The following SPTBN5 variants were observed in gnomAD, a reference collection of about 807,000 sequenced individuals.
SPTBN5 encodes the protein spectrin beta, non-erythrocytic 5, also known as spectrin beta chain, non-erythrocytic 5.
A neutral mutation model predicts 477.6 loss-of-function variants in SPTBN5; 513 were observed. The observed-to-expected ratio is 1.07, with a 90% CI of 1.00 to 1.16. The LOEUF is 1.16. SPTBN5 is among the 50% of genes most tolerant of loss of function. SPTBN5 has a pLI of 0.00. For synonymous variants in SPTBN5, 2,169 were observed against 2,011.7 expected (o/e 1.08, Z -2.09); for missense variants, 5,062 against 4,731.8 (o/e 1.07, Z -2.05).
rs1555467596 is a variant in SPTBN5 at position 41,876,663 on chromosome 15, G to GGGC, written c.3852-17_3852-16insGCC. 3.5e-6 allele frequency: 5 copies of GGGC among 1,431,692 alleles called. 1 individual carries two copies. Among genetic ancestry groups the GGGC allele is most frequent in the Middle Eastern group, 1.8e-4 (1 of 5,526 alleles). 88.7% of individuals were successfully genotyped at this position (1,431,692 alleles called of 1,614,324 possible). On this transcript the variant is annotated splice_polypyrimidine_tract_variant and intron_variant, in intron 19 of 67. Coordinates refer to ENST00000320955, the MANE Select transcript of SPTBN5 (RefSeq NM_016642.4). ...CTCTCTGACCCTGGAGGGCGGGGGG[G>GGGC]GGTTGGAGGAGGGCATGGGAGAGGA...
chr15:41,860,092 G>C (rs1018241892), intron 47 of SPTBN5, among the ~76,000 whole-genome samples: 5 of 152,228 alleles, frequency 3.3e-5, no homozygotes, highest in African/African-American at 1.2e-4. Flanking sequence ...ACTTCAGTTA[G>C]ATGAACTAAG....
At chr15:41,873,685 C>T (rs2066617885) in intron 25 of SPTBN5, 77 bp from the exon 26 acceptor site, 6 of 1,450,254 alleles carry the variant, frequency 4.1e-6, no homozygotes, top group South Asian at 1.2e-5. Flanking sequence ...TCTGCCCCTG[C>T]TCTCCAGCAT....
At chr15:41,884,922 A>AG (rs2067098041) in intron 7 of SPTBN5, among the ~76,000 whole-genome samples, 1 of 152,214 alleles carries the variant, frequency 6.6e-6, no homozygotes, top group East Asian at 1.9e-4. Flanking sequence ...CTGCATGGCC[A>AG]GCTCGTCACT....
intron 57 of SPTBN5, 34 bp from the exon 58 acceptor site, chr15:41,853,821 C>G (rs1040447403): frequency 6.6e-7 from 1 of 1,516,014 alleles, no homozygotes; most frequent in African/African-American, 1.4e-5. Flanking sequence ...GCCTCAGTCC[C>G]CCCACTGAGC....
At chr15:41,864,089 G>A in intron 39 of SPTBN5, 65 bp from the exon 40 acceptor site, 7 of 1,406,952 alleles carry the variant, frequency 5.0e-6, no homozygotes, top group Non-Finnish European at 6.9e-6. Flanking sequence ...TCCCACCTCA[G>A]CAGGCACTGA....
Position 41,868,111 on chromosome 15 carries a change from G to A in SPTBN5, c.6165C>T (p.Leu2055=), listed in dbSNP as rs1421805507. ...LQAEQQEQLF[L]RECGRLEEIL... is the part of the protein sequence containing the mutation. Reference sequence around the variant, plus strand: ...TCTCCTCCAGGCGGCCGCACTCTCTGAGGAAGAGCTGCTCCTGCTGCTCGG... The same window carrying A: ...TCTCCTCCAGGCGGCCGCACTCTCTAAGGAAGAGCTGCTCCTGCTGCTCGG... Residue 2055 remains leucine (L), a synonymous_variant, in exon 34 of 68, where the codon CTC becomes CTT. Coordinates refer to ENST00000320955, the MANE Select transcript of SPTBN5 (RefSeq NM_016642.4). 3 of 1,602,756 alleles carry A rather than the reference G, an allele frequency of 1.9e-6. No individual in the cohort carries two copies. In the African/African-American group the frequency reaches 4.0e-5, roughly 21 times the overall value.
chr15:41,866,265 G>C, intron 37 of SPTBN5, 36 bp from the exon 38 acceptor site: 2 of 1,577,944 alleles, frequency 1.3e-6, no homozygotes, highest in Non-Finnish European at 1.7e-6. Flanking sequence ...CATCTTGCCT[G>C]CTGCACTTCC....
At chr15:41,879,938 C>A in intron 14 of SPTBN5, 74 bp from the exon 15 acceptor site, 4 of 1,579,476 alleles carry the variant, frequency 2.5e-6, no homozygotes, top group Non-Finnish European at 2.6e-6. Context: ...CTATGACGGA[C>A]CTGAGTGGTG....
chr15:41,867,423 C>G (rs1286566549), intron 35 of SPTBN5, 115 bp downstream of exon 35: 2 of 1,043,242 alleles, frequency 1.9e-6, no homozygotes, highest in Non-Finnish European at 2.9e-6. Context: ...GGACCCCAGC[C>G]TTGCAGGCTC....
In SPTBN5 at chr15:41,872,386, C is replaced by T. The variant is rs2066575602; in HGVS notation, c.5081G>A (p.Gly1694Asp). The T allele has an allele frequency of 6.2e-7, 1 of 1,608,344 alleles. No homozygotes were observed. Among genetic ancestry groups the T allele is most frequent in the Non-Finnish European group, 8.5e-7 (1 of 1,178,062 alleles). ...ELDQTAQTLT[G>D]PEVPEQQRVV... ...ACGCTGCTGCTCAGGGACTTCGGGGCCAGTGAGGGTTTGGGCCGTCTGGTC... is the reference window on the plus strand; with the variant it reads ...ACGCTGCTGCTCAGGGACTTCGGGGTCAGTGAGGGTTTGGGCCGTCTGGTC... Residue 1694 changes from glycine to aspartate, a missense_variant, in exon 27 of 68, where the codon GGC (glycine) becomes GAC (aspartate). Physicochemically the swap from Gly to Asp is moderately conservative, Grantham distance 94. Transcript: ENST00000320955.
At chr15:41,849,833 G>A (rs1283004569) in intron 67 of SPTBN5, 36 bp downstream of exon 67, 2 of 1,521,864 alleles carry the variant, frequency 1.3e-6, no homozygotes, top group East Asian at 2.4e-5. Flanking sequence ...GAAGCCCAGG[G>A]CTCCCCGCCC....
At position 41,851,307 on chromosome 15, in the gene SPTBN5, G is replaced by A; in HGVS notation, c.10719C>T (p.Phe3573=). The change falls in exon 64 of 68, where the codon TTC becomes TTT. Residue 3573 remains phenylalanine, a synonymous_variant. Coordinates refer to ENST00000320955, the MANE Select transcript of SPTBN5 (RefSeq NM_016642.4). ...GNLQGSSLSL[F]LDERMAAEKV... ...CCTCCGCTGCCATCCTCTCATCCAG[G>A]AACAGGCTCAGAGAGCTGCCCTGCA... The A allele has an allele frequency of 6.4e-7, 1 of 1,551,156 alleles. No homozygotes were observed.
rs369721582 is a variant in SPTBN5 at position 41,868,573 on chromosome 15, C to G, written c.5882G>C (p.Arg1961Pro). ...AVRDYASWAA[R>P]VRQDLQVEES... ...CTCCACCTGCAGGTCCTGGCGCACG[C>G]GGGCTGCCCAGGAGGCATAGTCACG... is the stretch of plus-strand genomic sequence containing the variant. Residue 1961 changes from arginine (R) to proline (P), a missense_variant, in exon 33 of 68, where the codon CGC becomes CCC. Arg to Pro is a moderately radical substitution (Grantham distance 103). Transcript: ENST00000320955. 6.2e-7 allele frequency: 1 copy of G among 1,601,138 alleles called. No homozygotes were observed. Among genetic ancestry groups the G allele is most frequent in the South Asian group, 1.1e-5 (1 of 91,086 alleles).
Position 41,866,853 on chromosome 15 carries a change from C to T in SPTBN5, c.6480+106G>A, listed in dbSNP as rs2066335527. Reference sequence around the variant, plus strand: ...CCAGCACAGCCTCTGGGAAAGCCATCCACCCCCGAACCTGTTTCCGCCTCA... The same window carrying T: ...CCAGCACAGCCTCTGGGAAAGCCATTCACCCCCGAACCTGTTTCCGCCTCA... On this transcript the variant is annotated intron_variant, in intron 36 of 67. Coordinates refer to ENST00000320955, the MANE Select transcript of SPTBN5 (RefSeq NM_016642.4). 5 of 1,379,716 alleles carry T rather than the reference C, an allele frequency of 3.6e-6. No individual in the cohort carries two copies. In the African/African-American group the frequency reaches 7.3e-5, roughly 20 times the overall value. The allele number at this position is 1,379,716 out of a possible 1,614,324, so 85.5% of individuals were successfully genotyped here.
intron 66 of SPTBN5, 103 bp downstream of exon 66, chr15:41,850,751 G>T: frequency 1.0e-6 from 1 of 990,828 alleles, no homozygotes; most frequent in South Asian, 1.7e-5. Flanking sequence ...GGTTAGAGAT[G>T]CTAACTGTGA....
At chr15:41,887,563 G>T in intron 5 of SPTBN5, 122 bp from the exon 6 acceptor site, 1 of 806,312 alleles carries the variant, frequency 1.2e-6, no homozygotes, top group Non-Finnish European at 2.0e-6. Flanking sequence ...TCGTTTTCCC[G>T]ACAGTTATCT....
rs764344735 is a variant in SPTBN5 at position 41,852,729 on chromosome 15, CTG to C, written c.10352_10353del (p.Ser3451CysfsTer72). 5.6e-6 allele frequency: 9 copies of C among 1,610,336 alleles called. No homozygotes were observed. In the African/African-American group the frequency reaches 9.4e-5, roughly 17 times the overall value. On this transcript the variant is annotated frameshift_variant, in exon 61 of 68. Transcript: ENST00000320955. LOFTEE classifies it high-confidence loss of function. ...GLLLKPDYGHSVSDVELLLHR... is the reference protein window; with the variant it reads ...GLLLKPDYGHXVSDVELLLHR... ...TGCAGCAGCAACTCCACATCTGACACTGAGTGCTGGGGAGAAGCATGTTCAGG... is the reference window on the plus strand; with the variant it reads ...TGCAGCAGCAACTCCACATCTGACACAGTGCTGGGGAGAAGCATGTTCAGG...
In SPTBN5 at chr15:41,861,937, G is replaced by A; in HGVS notation, c.7549-14C>T. 3.1e-6 allele frequency: 5 copies of A among 1,592,986 alleles called. No homozygotes were observed. The highest frequency in any genetic ancestry group is 4.3e-6 in the Non-Finnish European group (5 of 1,174,420). ...GTCCAGCTCGGCCTGGAACAGGACT[G>A]GGCTCAGATCACTGGGGGCTGGAAG... On this transcript the variant is annotated splice_polypyrimidine_tract_variant and intron_variant, in intron 44 of 67. Coordinates refer to ENST00000320955, the MANE Select transcript of SPTBN5 (RefSeq NM_016642.4).
intron 16 of SPTBN5, 89 bp from the exon 17 acceptor site, chr15:41,878,718 A>C: frequency 1.4e-6 from 2 of 1,413,206 alleles, no homozygotes; most frequent in Non-Finnish European, 1.9e-6. Flanking sequence ...TGCATCCCCC[A>C]GGGAGAGTGG....
Sources: allele counts gnomAD v4.1 joint callset (sites outside exome capture counted in the v4.1 genomes callset), GRCh38; gene constraint gnomAD v4.1.1; transcripts MANE v1.5; gene names NCBI Gene and HGNC (gene_info 2026-07-23, HGNC 2026-07-21).